Variants in MSANTD2 observed in about 807,000 individuals in gnomAD.
MSANTD2 encodes myb/SANT-like DNA-binding domain-containing protein 2.
MSANTD2 carries 19 observed loss-of-function variants against 52.6 expected under a neutral mutation model. The ratio of observed to expected loss-of-function variants is 0.36; its 90% CI spans 0.25 to 0.53. The LOEUF is 0.53. Among genes scored for constraint, MSANTD2 ranks in the 20% least tolerant of loss-of-function variants. MSANTD2 has a pLI of 0.91. For missense variants in MSANTD2, 558 were observed against 716.3 expected (o/e 0.78, Z 2.52); for synonymous variants, 291 against 289.7 (o/e 1.00, Z -0.04).
intron 1 of MSANTD2, among the ~76,000 whole-genome samples, chr11:124,781,905 G>T (rs896740522): frequency 6.6e-6 from 1 of 152,040 alleles, no homozygotes; most frequent in African/African-American, 2.4e-5. Flanking sequence ...TGCCTGCCTT[G>T]GCCTCCCAAA....
intron 2 of MSANTD2, among the ~76,000 whole-genome samples, chr11:124,773,537 T>C (rs1944623196): frequency 2.6e-5 from 4 of 152,256 alleles, no homozygotes; most frequent in Admixed American, 2.6e-4. Context: ...ATTACTCCTT[T>C]GAAATTAATC....
chr11:124,797,961 GACA>G (rs1945547737), intron 1 of MSANTD2, among the ~76,000 whole-genome samples: 1 of 152,100 alleles, frequency 6.6e-6, no homozygotes, highest in Admixed American at 6.6e-5. Flanking sequence ...GTGAGGTTTT[GACA>G]ACACACTTTT....
At chr11:124,793,699 G>A (rs527463037) in intron 1 of MSANTD2, among the ~76,000 whole-genome samples, 192 of 152,312 alleles carry the variant, frequency 1.3e-3, no homozygotes, top group African/African-American at 4.5e-3. Flanking sequence ...CTATTGGACA[G>A]GGCTGTCCTA....
At position 124,774,090 on chromosome 11, in the gene MSANTD2, C is replaced by T. The variant is rs757059505; in HGVS notation, c.766+629G>A. ...GGAATTTTATTTTCCATTTTTAATG[C>T]CTATGACTGTATAAATAATTCCAGC... On this transcript the variant is annotated intron_variant, in intron 2 of 3. Transcript: ENST00000374979. The surrounding 1 kb of genome is among the most constrained non-coding windows in gnomAD (Gnocchi z 5.1). Among the ~76,000 whole-genome samples, 6 of 152,186 alleles carry T rather than the reference C, an allele frequency of 3.9e-5. No homozygotes were observed. The highest frequency in any genetic ancestry group is 7.3e-5 in the Non-Finnish European group (5 of 68,028).
chr11:124,791,559 A>G, intron 1 of MSANTD2: 2 of 1,224,742 alleles, frequency 1.6e-6, no homozygotes, highest in Non-Finnish European at 2.4e-6. Context: ...AGGGTCACCA[A>G]TGTGACCCTG....
At chr11:124,771,596 C>T (rs958187018) in intron 3 of MSANTD2, among the ~76,000 whole-genome samples, 1 of 152,148 alleles carries the variant, frequency 6.6e-6, no homozygotes, top group Non-Finnish European at 1.5e-5. Flanking sequence ...ACGGCAAAAC[C>T]CCATCTCTAC....
chr11:124,798,682 A>G (rs1298472810), intron 1 of MSANTD2, among the ~76,000 whole-genome samples: 2 of 152,140 alleles, frequency 1.3e-5, no homozygotes, highest in Non-Finnish European at 2.9e-5. Context: ...CTTTGGTGCA[A>G]TTTCCCTCCT....
chr11:124,773,122 T>C, intron 2 of MSANTD2, 68 bp from the exon 3 acceptor site: 1 of 873,026 alleles, frequency 1.1e-6, no homozygotes, highest in Non-Finnish European at 1.9e-6. Context: ...TGTAGATAAG[T>C]AGCTATGTTT....
intron 1 of MSANTD2, chr11:124,790,884 T>A (rs1238156316): frequency 4.5e-6 from 1 of 223,432 alleles, no homozygotes; most frequent in Non-Finnish European, 8.9e-6. Flanking sequence ...CTGGGACAGA[T>A]GTTGCAAATT....
chr11:124,771,687 G>A (rs2135232354), intron 3 of MSANTD2, among the ~76,000 whole-genome samples: 1 of 152,336 alleles, frequency 6.6e-6, no homozygotes, highest in South Asian at 2.1e-4. Context: ...TGCTCACAGT[G>A]AGCCAAGATT....
intron 1 of MSANTD2, among the ~76,000 whole-genome samples, chr11:124,788,137 C>T (rs1261197265): frequency 3.3e-5 from 5 of 150,556 alleles, no homozygotes; most frequent in African/African-American, 1.2e-4. Context: ...ATAGCCTTGG[C>T]AAGAATATGG....
At position 124,800,158 on chromosome 11, in the gene MSANTD2, C is replaced by T. The variant is rs1384525118; in HGVS notation, c.223G>A (p.Ala75Thr). Residue 75 changes from alanine (A) to threonine (T), a missense_variant, in exon 1 of 4, where the codon GCC becomes ACC. Transcript: ENST00000374979. This position sits in a 1 kb window ranked among gnomAD's most constrained non-coding sequence, Gnocchi z 4.3. ...GAGAAGGAGACCGAGGACGAGGCGG[C>T]GCTGCGGCCCCCCAGCCCCAGCCCG... is the stretch of plus-strand genomic sequence containing the variant. Reference protein sequence around the residue: ...GLGLGLGGRSAASSSVSFSPG... With the variant: ...GLGLGLGGRSTASSSVSFSPG... 5 of 1,470,306 alleles carry T rather than the reference C, an allele frequency of 3.4e-6. No homozygotes were observed. The highest frequency in any genetic ancestry group is 1.3e-5 in the South Asian group (1 of 75,564). The allele number at this position is 1,470,306 out of a possible 1,614,324, so 91.1% of individuals were successfully genotyped here.
chr11:124,798,675 T>C (rs1945576064), intron 1 of MSANTD2, among the ~76,000 whole-genome samples: 1 of 152,204 alleles, frequency 6.6e-6, no homozygotes, highest in African/African-American at 2.4e-5. Context: ...TGGAGAACTT[T>C]GGTGCAATTT....
rs545752666 is a variant in MSANTD2 at position 124,784,962 on chromosome 11, T to C, written c.511-9988A>G. ...ACCAATGCAAGAAAAGAATACATCT[T>C]CATATCCTGACACATATCCTTTCTA... On this transcript the variant is annotated intron_variant, in intron 1 of 3. Coordinates refer to ENST00000374979, the MANE Select transcript of MSANTD2 (RefSeq NM_001308027.2). Among the ~76,000 whole-genome samples the C allele has an allele frequency of 2.0e-5, 3 of 152,318 alleles. No individual in the cohort carries two copies. In the South Asian group the frequency reaches 6.2e-4, roughly 32 times the overall value.
At chr11:124,791,108 T>C in intron 1 of MSANTD2, 1 of 638,990 alleles carries the variant, frequency 1.6e-6, no homozygotes, top group Non-Finnish European at 2.8e-6. Context: ...AAGTGAACTA[T>C]TCTGGTGAAG....
intron 1 of MSANTD2, among the ~76,000 whole-genome samples, chr11:124,793,052 G>C (rs1022666004): frequency 1.3e-5 from 2 of 152,134 alleles, no homozygotes; most frequent in African/African-American, 2.4e-5. Flanking sequence ...TCTTTAACTG[G>C]GGTAGTCTCC....
rs540844183 is a variant in MSANTD2 at position 124,789,036 on chromosome 11, A to G, written c.510+10835T>C. ...TTCACTGAGGTATTCCCAGAGCCCAAATCAATGCCTAACATGTTAATGGGG... is the reference window on the plus strand; with the variant it reads ...TTCACTGAGGTATTCCCAGAGCCCAGATCAATGCCTAACATGTTAATGGGG... On this transcript the variant is annotated intron_variant, in intron 1 of 3. Coordinates refer to ENST00000374979, the MANE Select transcript of MSANTD2 (RefSeq NM_001308027.2). Among the ~76,000 whole-genome samples the G allele has an allele frequency of 2.0e-5, 3 of 152,270 alleles. No individual in the cohort carries two copies. In the South Asian group the frequency reaches 6.2e-4, roughly 32 times the overall value.
chr11:124,791,571 G>A (rs2135267605), intron 1 of MSANTD2: 4 of 1,313,314 alleles, frequency 3.0e-6, no homozygotes, highest in South Asian at 1.2e-5. Context: ...GTGACCCTGA[G>A]CTGCCAGTCT....
chr11:124,797,236 G>A (rs1230793834), intron 1 of MSANTD2, among the ~76,000 whole-genome samples: 2 of 152,202 alleles, frequency 1.3e-5, no homozygotes, highest in Non-Finnish European at 2.9e-5. Context: ...TATAATCCCA[G>A]CACTTTGGGA....
Sources: gnomAD v4.1 joint callset for allele counts (sites outside exome capture counted in the v4.1 genomes callset) on GRCh38, gnomAD v4.1.1 for gene constraint, Gnocchi (gnomAD v3.1) non-coding constraint, MANE v1.5 for transcripts, NCBI Gene and HGNC (gene_info 2026-07-23, HGNC 2026-07-21) for gene names.